The following LRRC57 variants were observed in gnomAD, a reference collection of about 807,000 sequenced individuals.
The protein encoded by LRRC57 is leucine-rich repeat-containing protein 57.
LRRC57 carries 14 observed loss-of-function variants against 23.1 expected under a neutral mutation model. That is an observed-to-expected ratio of 0.61 (90% CI 0.40 to 0.95). The LOEUF (loss-of-function observed/expected upper bound fraction) is 0.95. LRRC57 is among the 40% of genes least tolerant of loss of function. LRRC57 has a pLI of 0.00. For synonymous variants in LRRC57, 106 were observed against 115.2 expected (o/e 0.92, Z 0.51); for missense variants, 236 against 284.4 (o/e 0.83, Z 1.22).
At chr15:42,536,168 C>A (rs567613324), downstream of LRRC57, among the ~76,000 whole-genome samples, 2 of 151,340 alleles carry the variant, frequency 1.3e-5, no homozygotes, top group Non-Finnish European at 2.9e-5. Flanking sequence ...CATAACATAT[C>A]ATAATAATGA....
chr15:42,537,233 TCACACACACACACACACACACA>T, downstream of LRRC57, among the ~76,000 whole-genome samples: 1 of 136,504 alleles, frequency 7.3e-6, no homozygotes, highest in East Asian at 2.0e-4. Flanking sequence ...TCTCTCTCTC[TCACACACACACACACACACACA>T]CACACACACG....
chr15:42,536,655 T>TC (rs548176280), downstream of LRRC57, among the ~76,000 whole-genome samples: 12 of 152,190 alleles, frequency 7.9e-5, no homozygotes, highest in Admixed American at 2.0e-4. Flanking sequence ...AAAATTAGAC[T>TC]CCATCATGCA....
chr15:42,547,438 C>G lies in LRRC57; in HGVS notation c.315G>C (p.Gly105=), dbSNP rs770877817. The change falls in exon 4 of 6, where the codon GGG becomes GGC. Residue 105 remains glycine, a synonymous_variant. Transcript: ENST00000397130. ...TCAGGGTCTTGAGGGCAGAGAGTTG[C>G]CCAAAGGTAGACGGCAGCTCTCTAA... ...NHLRELPSTF[G]QLSALKTLSL... The G allele has an allele frequency of 2.7e-5, 44 of 1,614,026 alleles. No individual in the cohort carries two copies. Among genetic ancestry groups the G allele is most frequent in the Middle Eastern group, 3.3e-4 (2 of 6,082 alleles).
Position 42,541,965 on chromosome 15 carries a change from T to TA in LRRC57, c.*2117dup, listed in dbSNP as rs1264963722. 6.6e-6 allele frequency: 1 copy of TA among 151,870 alleles called. No individual in the cohort carries two copies. The highest frequency in any genetic ancestry group is 6.6e-5 in the Admixed American group (1 of 15,236). The allele number at this position is 151,870 out of a possible 1,614,324, so 9.4% of individuals were successfully genotyped here. A position where few individuals can be genotyped will look rare whatever the true frequency, so the allele number is the denominator to read the frequency against. On this transcript the variant is annotated 3_prime_UTR_variant, in exon 6 of 6. Transcript: ENST00000397130. ...TAGTAGTGACAGGGTTTCACCGTGT[T>TA]AGCCAGGATGGTCTCGATCTCTTGA...
intron 2 of LRRC57, 48 bp downstream of exon 2, chr15:42,548,303 C>T (rs973634917): frequency 1.2e-6 from 2 of 1,613,816 alleles, no homozygotes; most frequent in Non-Finnish European, 1.7e-6. Context: ...GCCGCCCCCG[C>T]CGTCCCTCTC....
chr15:42,531,529 G>A, the LRRC57 span: 3 of 1,392,264 alleles, frequency 2.2e-6, no homozygotes, highest in East Asian at 2.3e-5. Flanking sequence ...GCTCCTCCTT[G>A]AAAGTTATTA....
At chr15:42,548,552 G>C in intron 1 of LRRC57, 96 bp from the exon 2 acceptor site, 1 of 971,990 alleles carries the variant, frequency 1.0e-6, no homozygotes, top group Non-Finnish European at 1.5e-6. Context: ...CCGATCCCTG[G>C]CTCCTGGGGC....
chr15:42,528,490 A>C, the LRRC57 span: 1 of 1,408,994 alleles, frequency 7.1e-7, no homozygotes, highest in Non-Finnish European at 1.0e-6. Context: ...TGAGTTTAGC[A>C]GTACATGACC....
At chr15:42,548,046 A>T in intron 3 of LRRC57, 60 bp downstream of exon 3, 1 of 1,584,022 alleles carries the variant, frequency 6.3e-7, no homozygotes, top group Non-Finnish European at 8.6e-7. Flanking sequence ...AGCTTGTAAG[A>T]GAAAACCACC....
In LRRC57 at chr15:42,539,899, A is replaced by G. The variant is rs2057619652; in HGVS notation, c.*4184T>C. 6.6e-6 allele frequency: 1 copy of G among 152,232 alleles called. No individual in the cohort carries two copies. Among genetic ancestry groups the G allele is most frequent in the Non-Finnish European group, 1.5e-5 (1 of 68,060 alleles). The allele number at this position is 152,232 out of a possible 1,614,324, so 9.4% of individuals were successfully genotyped here. A position where few individuals can be genotyped will look rare whatever the true frequency, so the allele number is the denominator to read the frequency against. On this transcript the variant is annotated 3_prime_UTR_variant, in exon 6 of 6. Coordinates refer to ENST00000397130, the MANE Select transcript of LRRC57 (RefSeq NM_153260.3). ...TTAGACATACAGAATGAGCATATTA[A>G]TTAAGAGAGGGCAGGCTGGGCACGT...
Position 42,548,198 on chromosome 15 carries a change from T to C in LRRC57, c.131A>G (p.Asp44Gly). 1 of 1,614,204 alleles carries C rather than the reference T, an allele frequency of 6.2e-7. No homozygotes were observed. ...GCTTTCGATCTTGTTGTTGGACAAGTCGATGGTCCTGAGATTGCTCGTCAG... is the reference window on the plus strand; with the variant it reads ...GCTTTCGATCTTGTTGTTGGACAAGCCGATGGTCCTGAGATTGCTCGTCAG... ...QKLTSNLRTIDLSNNKIESLP... is the reference protein window; with the variant it reads ...QKLTSNLRTIGLSNNKIESLP... Residue 44 changes from aspartate (D) to glycine (G), a missense_variant, in exon 3 of 6, where the codon GAC becomes GGC. Asp to Gly is a moderately conservative substitution (Grantham distance 94). Transcript: ENST00000397130.
intron 3 of LRRC57, 106 bp downstream of exon 3, chr15:42,548,000 G>T: frequency 8.8e-7 from 1 of 1,142,340 alleles, no homozygotes. Context: ...CGCAACTTGA[G>T]CCCTCCTGCA....
the LRRC57 span, chr15:42,529,908 G>T: frequency 6.9e-5 from 96 of 1,387,796 alleles, no homozygotes; most frequent in Non-Finnish European, 8.7e-5. Flanking sequence ...TGGGGGACAC[G>T]GTAGAATAAG....
intron 5 of LRRC57, among the ~76,000 whole-genome samples, 193 bp from the exon 6 acceptor site, chr15:42,544,317 C>G (rs893112921): frequency 6.6e-6 from 1 of 152,010 alleles, no homozygotes; most frequent in African/African-American, 2.4e-5. Context: ...AATCTCAACA[C>G]TTTGGGAGGC....
Position 42,544,073 on chromosome 15 carries a change from C to G in LRRC57, c.*10G>C. 6.2e-7 allele frequency: 1 copy of G among 1,612,640 alleles called. No individual in the cohort carries two copies. Among genetic ancestry groups the G allele is most frequent in the Middle Eastern group, 1.7e-4 (1 of 6,054 alleles). The stretch of plus-strand genomic sequence containing the variant: ...AGTATCCTGTAAGGTTTCCATAGTC[C>G]TGGAGAACTTCACGCAAACTTCTTC... On this transcript the variant is annotated 3_prime_UTR_variant, in exon 6 of 6. Coordinates refer to ENST00000397130, the MANE Select transcript of LRRC57 (RefSeq NM_153260.3).
chr15:42,530,666 C>G, the LRRC57 span, among the ~76,000 whole-genome samples: 1 of 152,078 alleles, frequency 6.6e-6, no homozygotes, highest in African/African-American at 2.4e-5. Flanking sequence ...AGAAGGATTG[C>G]TTGAGTGTAG....
At chr15:42,535,155 C>T (rs964666709), downstream of LRRC57, among the ~76,000 whole-genome samples, 3 of 152,182 alleles carry the variant, frequency 2.0e-5, no homozygotes, top group African/African-American at 4.8e-5. Flanking sequence ...CTGTAGCCAC[C>T]ATCATCATTA....
At position 42,545,327 on chromosome 15, in the gene LRRC57, C is replaced by T. The variant is rs548316596; in HGVS notation, c.493-65G>A. On this transcript the variant is annotated intron_variant, in intron 4 of 5. Transcript: ENST00000397130. ...AGCACTATACTGGTTACTTTTAGTA[C>T]ATTAAAACAAAACAAAAATCTTTAC... 110 of 1,145,930 alleles carry T rather than the reference C, an allele frequency of 9.6e-5. 1 individual carries two copies. In the Admixed American group the frequency reaches 1.1e-3, roughly 11 times the overall value. The allele number at this position is 1,145,930 out of a possible 1,614,324, so 71.0% of individuals were successfully genotyped here. A position where few individuals can be genotyped will look rare whatever the true frequency, so the allele number is the denominator to read the frequency against.
At chr15:42,544,748 A>AGGC (rs951747391) in intron 5 of LRRC57, among the ~76,000 whole-genome samples, 10 of 148,304 alleles carry the variant, frequency 6.7e-5, no homozygotes, top group African/African-American at 2.5e-4. Context: ...CAGGAGGTGA[A>AGGC]GGCTGCGCCA....
Sources: allele counts gnomAD v4.1 joint callset (sites outside exome capture counted in the v4.1 genomes callset), GRCh38; gene constraint gnomAD v4.1.1; transcripts MANE v1.5; gene names NCBI Gene and HGNC (gene_info 2026-07-23, HGNC 2026-07-21).